TRPV4: variants seen among roughly 807,000 people sequenced by gnomAD.
TRPV4 encodes the protein transient receptor potential cation channel subfamily V member 4.
Under a neutral mutation model 84.1 loss-of-function variants are expected in TRPV4, and 58 were observed. The ratio of observed to expected loss-of-function variants is 0.69; its 90% confidence interval spans 0.56 to 0.86. The LOEUF (loss-of-function observed/expected upper bound fraction) is 0.86, where lower values mean the gene tolerates loss of function less well. TRPV4 is among the 40% of genes least tolerant of loss of function. The pLI, the probability that TRPV4 is intolerant of heterozygous loss-of-function variation, is 0.00. For synonymous variants in TRPV4, 489 were observed against 500.9 expected, an observed-to-expected ratio of 0.98 and a Z score of 0.32; for missense variants, 879 against 1,181.1, an observed-to-expected ratio of 0.74 and a Z score of 3.75.
chr12:109,818,801 AACACACATGC>A (rs1891971218), intron 1 of TRPV4, among the ~76,000 whole-genome samples: 1 of 152,156 alleles, frequency 6.6e-6, no homozygotes, highest in Non-Finnish European at 1.5e-5. Flanking sequence ...CCTTCCCCAA[AACACACATGC>A]ACACACGTGC....
Position 109,808,428 on chromosome 12 carries a change from G to A in TRPV4, c.427C>T (p.Pro143Ser), listed in dbSNP as rs201642486. ...QSPKAPAPQPPPILKVFNRPI... is the reference protein window; with the variant it reads ...QSPKAPAPQPSPILKVFNRPI... ...CGGTTGAAGACTTTGAGGATGGGGG[G>A]CGGCTGAGGGGCAGGGGCTTTGGGG... Residue 143 changes from proline to serine, a missense_variant, in exon 3 of 16, where the codon CCC becomes TCC. Pro to Ser is a moderately conservative substitution (Grantham distance 74, BLOSUM62 -1). Transcript: ENST00000261740. The A allele has an allele frequency of 6.2e-7, 1 of 1,614,076 alleles. No individual in the cohort carries two copies. The highest frequency in any genetic ancestry group is 1.7e-5 in the Admixed American group (1 of 60,014).
chr12:109,811,597 GC>G (rs1242837398), intron 2 of TRPV4, among the ~76,000 whole-genome samples: 1 of 151,842 alleles, frequency 6.6e-6, no homozygotes, highest in African/African-American at 2.4e-5. Flanking sequence ...GGTGGAGGTT[GC>G]AGTAAGCCAA....
At position 109,800,608 on chromosome 12, in the gene TRPV4, C is replaced by G. The variant is rs768716980; in HGVS notation, c.853+10G>C. 6.2e-7 allele frequency: 1 copy of G among 1,614,170 alleles called. No homozygotes were observed. Among genetic ancestry groups the G allele is most frequent in the Non-Finnish European group, 8.5e-7 (1 of 1,180,044 alleles). On this transcript the variant is annotated intron_variant, in intron 5 of 15. Transcript: ENST00000261740. ...AGCATGCTGTCAGCCCCCACCAGGC[C>G]CCTCCTTACCAAAGTAGAAGTAGCC... is the stretch of plus-strand genomic sequence containing the variant.
At chr12:109,828,189 C>A (rs1892319437) in intron 1 of TRPV4, among the ~76,000 whole-genome samples, 1 of 152,236 alleles carries the variant, frequency 6.6e-6, no homozygotes, top group Non-Finnish European at 1.5e-5. Context: ...CCTTCTGTGG[C>A]CTTTCCAATG....
Position 109,783,911 on chromosome 12 carries a change from G to C in TRPV4, c.2459-133C>G. 3.6e-6 allele frequency: 4 copies of C among 1,116,742 alleles called. No homozygotes were observed. Among genetic ancestry groups the C allele is most frequent in the Non-Finnish European group, 5.1e-6 (4 of 784,630 alleles). 69.2% of individuals were successfully genotyped at this position (1,116,742 alleles called of 1,614,324 possible). On this transcript the variant is annotated intron_variant, in intron 15 of 15. Transcript: ENST00000261740. This position sits in a 1 kb window ranked among gnomAD's most constrained non-coding sequence, Gnocchi z 4.6. ...GATGTGACTATGCTCATTTTACAGA[G>C]GTGGAAACTGGGGCTCAAGAGAGGT...
chr12:109,797,280 T>C (rs1394543598), intron 6 of TRPV4, among the ~76,000 whole-genome samples: 1 of 151,860 alleles, frequency 6.6e-6, no homozygotes, highest in East Asian at 1.9e-4. Flanking sequence ...GCCTCCTGAG[T>C]AGCTGGGATT....
rs3742033 is a variant in TRPV4 at position 109,800,791 on chromosome 12, G to A, written c.713-33C>T. The stretch of plus-strand genomic sequence containing the variant: ...CAGGGGACGGTCATCCAGGGTCCTG[G>A]CGGAGCAGAGACCTAGCCAGGCTTG... On this transcript the variant is annotated intron_variant, in intron 4 of 15. Transcript: ENST00000261740. The A allele has an allele frequency of 2.5e-3, 4,002 of 1,608,652 alleles. 153 individuals carry two copies. In the East Asian group the frequency reaches 0.081, roughly 33 times the overall value.
intron 12 of TRPV4, among the ~76,000 whole-genome samples, chr12:109,790,550 A>G (rs1889961524): frequency 6.6e-6 from 1 of 152,198 alleles, no homozygotes; most frequent in African/African-American, 2.4e-5. Flanking sequence ...CCATGTATCC[A>G]TCCTCCTTCA....
chr12:109,826,263 A>T (rs1222209675), intron 1 of TRPV4, among the ~76,000 whole-genome samples: 1 of 152,184 alleles, frequency 6.6e-6, no homozygotes, highest in Non-Finnish European at 1.5e-5. Flanking sequence ...GGCTCACGTG[A>T]TCCACACACC....
chr12:109,784,877 G>A (rs1317496679), intron 14 of TRPV4, among the ~76,000 whole-genome samples: 2 of 147,302 alleles, frequency 1.4e-5, no homozygotes, highest in African/African-American at 5.0e-5. Flanking sequence ...GTGTGTGTGT[G>A]TGTGTGTGTG....
intron 2 of TRPV4, among the ~76,000 whole-genome samples, chr12:109,810,902 G>A (rs997733983): frequency 6.6e-6 from 1 of 152,104 alleles, no homozygotes; most frequent in African/African-American, 2.4e-5. Context: ...GGGAAGGCTT[G>A]GGGACAGAAG....
rs1186445597 is a variant in TRPV4, at chr12:109,820,514, C to CTTTTTTTTTTTT, written c.-31-5688_-31-5687insAAAAAAAAAAAA. The stretch of plus-strand genomic sequence containing the variant: ...CTGATCTTCACTTTCTTCAGCTGCC[C>CTTTTTTTTTTTT]TATTTTTTTTTTTTTTTTTTTTTTT... On this transcript the variant is annotated intron_variant, in intron 1 of 15. Transcript: ENST00000261740. Among the ~76,000 whole-genome samples, 826 of 122,944 alleles carry CTTTTTTTTTTTT rather than the reference C, an allele frequency of 6.7e-3. 167 individuals carry two copies. The highest frequency in any genetic ancestry group is 0.052 in the East Asian group (166 of 3,198). 80.7% of individuals were successfully genotyped at this position (122,944 alleles called of 152,430 possible).
At chr12:109,810,034 G>T (rs1012927534) in intron 2 of TRPV4, among the ~76,000 whole-genome samples, 1 of 152,230 alleles carries the variant, frequency 6.6e-6, no homozygotes, top group Non-Finnish European at 1.5e-5. Context: ...TGGCGGAAGG[G>T]TGTGGCACAG....
chr12:109,793,743 G>C lies in TRPV4; in HGVS notation c.1585-143C>G. ...CAAAGGACTCTTTCCTGTTAGAAAA[G>C]GAGAAAAAAGCAGAGATGGAGAACG... On this transcript the variant is annotated intron_variant, in intron 9 of 15. Coordinates refer to ENST00000261740, the MANE Select transcript of TRPV4 (RefSeq NM_021625.5). The surrounding 1 kb of genome is among the most constrained non-coding windows in gnomAD (Gnocchi z 4.0). 1 of 875,768 alleles carries C rather than the reference G, an allele frequency of 1.1e-6. No individual in the cohort carries two copies. Among genetic ancestry groups the C allele is most frequent in the Non-Finnish European group, 1.9e-6 (1 of 539,206 alleles). 54.2% of individuals were successfully genotyped at this position (875,768 alleles called of 1,614,324 possible).
chr12:109,808,646 T>C (rs1891296129), intron 2 of TRPV4, among the ~76,000 whole-genome samples, 178 bp from the exon 3 acceptor site: 1 of 152,138 alleles, frequency 6.6e-6, no homozygotes, highest in Non-Finnish European at 1.5e-5. Context: ...CAACAAACTA[T>C]AGCTAGTACC....
intron 1 of TRPV4, among the ~76,000 whole-genome samples, chr12:109,820,371 C>T (rs1892043321): frequency 6.6e-6 from 1 of 152,088 alleles, no homozygotes. Flanking sequence ...ACCTGGCTTT[C>T]TGCTCTCATG....
chr12:109,794,037 G>A lies in TRPV4; in HGVS notation c.1492-15C>T. 1.3e-6 allele frequency: 2 copies of A among 1,592,274 alleles called. No homozygotes were observed. Among genetic ancestry groups the A allele is most frequent in the South Asian group, 2.3e-5 (2 of 87,502 alleles). Reference sequence around the variant, plus strand: ...GGGTACGGCGGCTGGGGAGCAGCAAGGGCACACAGGTCGTCACCCAGCCCC... The same window carrying A: ...GGGTACGGCGGCTGGGGAGCAGCAAAGGCACACAGGTCGTCACCCAGCCCC... On this transcript the variant is annotated splice_polypyrimidine_tract_variant and intron_variant, in intron 8 of 15. Transcript: ENST00000261740.
chr12:109,784,221 C>T (rs542199725), intron 15 of TRPV4, 95 bp downstream of exon 15: 143 of 1,577,366 alleles, frequency 9.1e-5, no homozygotes, highest in African/African-American at 9.0e-4. Flanking sequence ...TCTGTAGACA[C>T]GGACACTGAG....
chr12:109,796,052 C>G lies in TRPV4; in HGVS notation c.1332+473G>C, dbSNP rs1325933244. On this transcript the variant is annotated intron_variant, in intron 7 of 15. Transcript: ENST00000261740. This position sits in a 1 kb window ranked among gnomAD's most constrained non-coding sequence, Gnocchi z 4.2. ...AGAATTACAGGCATAAGCCACCATG[C>G]CTGACCGAAAAAAAAGAGCTTTCAA... Among the ~76,000 whole-genome samples, 1 of 151,902 alleles carries G rather than the reference C, an allele frequency of 6.6e-6. No individual in the cohort carries two copies. Among genetic ancestry groups the G allele is most frequent in the Admixed American group, 6.6e-5 (1 of 15,256 alleles).
Sources: allele counts gnomAD v4.1 joint callset (sites outside exome capture counted in the v4.1 genomes callset), GRCh38; gene constraint gnomAD v4.1.1; non-coding constraint Gnocchi (gnomAD v3.1); transcripts MANE v1.5; gene names NCBI Gene and HGNC (gene_info 2026-07-23, HGNC 2026-07-21).